MAGI2: variants seen among roughly 807,000 people sequenced by gnomAD.
The protein encoded by MAGI2 is membrane-associated guanylate kinase, WW and PDZ domain-containing protein 2.
MAGI2 carries 35 observed loss-of-function variants against 133.3 expected under a neutral mutation model. The observed-to-expected ratio is 0.26, with a 90% CI of 0.20 to 0.35. MAGI2 has a LOEUF of 0.35. MAGI2 is among the 10% of genes least tolerant of loss of function. MAGI2 has a pLI of 1.00. For missense variants in MAGI2, 1,636 were observed against 1,863.4 expected (o/e 0.88, Z 2.25); for synonymous variants, 729 against 710.6 (o/e 1.03, Z -0.41).
chr7:78,742,922 C>T (rs1450414265), intron 2 of MAGI2, among the ~76,000 whole-genome samples: 1 of 152,170 alleles, frequency 6.6e-6, no homozygotes, highest in Admixed American at 6.5e-5. Flanking sequence ...CCCATGTGGT[C>T]AGACCACATG....
At chr7:79,079,870 A>T (rs1194406420) in intron 1 of MAGI2, among the ~76,000 whole-genome samples, 1 of 152,120 alleles carries the variant, frequency 6.6e-6, no homozygotes, top group African/African-American at 2.4e-5. Flanking sequence ...GGGTAAAATA[A>T]TTTCACAATG....
chr7:79,381,176 T>G lies in MAGI2; in HGVS notation c.301+71844A>C, dbSNP rs547621402. ...AACTGTAATCTTCTGGCAGTTAATC[T>G]GCATCTCTGCATCTCCTTTTTTTGT... On this transcript the variant is annotated intron_variant, in intron 1 of 21. Coordinates refer to ENST00000354212, the MANE Select transcript of MAGI2 (RefSeq NM_012301.4). Among the ~76,000 whole-genome samples the G allele has an allele frequency of 2.0e-5, 3 of 151,858 alleles. No homozygotes were observed. The South Asian group carries it at 6.2e-4, about 31-fold the overall frequency.
At chr7:78,980,327 G>A (rs1804671276) in intron 2 of MAGI2, among the ~76,000 whole-genome samples, 2 of 151,770 alleles carry the variant, frequency 1.3e-5, no homozygotes, top group South Asian at 4.1e-4. Context: ...AGTTAACAAG[G>A]CAAACTGCAA....
chr7:79,304,952 T>G (rs1313560674), intron 1 of MAGI2, among the ~76,000 whole-genome samples: 2 of 152,184 alleles, frequency 1.3e-5, no homozygotes, highest in Non-Finnish European at 2.9e-5. Flanking sequence ...GTCTAGTGCA[T>G]GATCAGACTC....
intron 1 of MAGI2, among the ~76,000 whole-genome samples, chr7:79,265,238 G>A (rs934382017): frequency 2.6e-5 from 4 of 152,132 alleles, no homozygotes; most frequent in African/African-American, 9.7e-5. Context: ...CAGACTTACT[G>A]AACCAGAGAC....
chr7:79,206,838 A>G (rs1191087017), intron 1 of MAGI2, among the ~76,000 whole-genome samples: 1 of 151,928 alleles, frequency 6.6e-6, no homozygotes, highest in African/African-American at 2.4e-5. Context: ...ATCAAATTCA[A>G]CAGCACACTA....
intron 2 of MAGI2, among the ~76,000 whole-genome samples, chr7:78,704,689 T>A (rs1818424725): frequency 6.6e-6 from 1 of 151,514 alleles, no homozygotes; most frequent in African/African-American, 2.4e-5. Flanking sequence ...GAAAAGTTAG[T>A]ATATATACAC....
chr7:78,464,652 C>T (rs1790426244), intron 6 of MAGI2, among the ~76,000 whole-genome samples: 1 of 151,746 alleles, frequency 6.6e-6, no homozygotes, highest in South Asian at 2.1e-4. Flanking sequence ...AGTTATTCTA[C>T]ATATTAATGA....
At chr7:78,907,374 G>A (rs1490799235) in intron 2 of MAGI2, among the ~76,000 whole-genome samples, 1 of 151,996 alleles carries the variant, frequency 6.6e-6, no homozygotes, top group African/African-American at 2.4e-5. Flanking sequence ...ATCACCCTGG[G>A]GTACACATGT....
intron 1 of MAGI2, among the ~76,000 whole-genome samples, chr7:79,283,358 C>A (rs560129888): frequency 6.6e-6 from 1 of 152,086 alleles, no homozygotes; most frequent in Admixed American, 6.6e-5. Flanking sequence ...GCATTCTTTG[C>A]GTGTCCAAGT....
rs151016732 is a variant in MAGI2, at chr7:78,435,890, G to T, written c.1045+53871C>A. Among the ~76,000 whole-genome samples the T allele has an allele frequency of 6.2e-3, 951 of 152,222 alleles. 4 individuals carry two copies. Among genetic ancestry groups the T allele is most frequent in the South Asian group, 0.014 (68 of 4,818 alleles). ...CCTTGCCTAAAAACACATCCAAGTT[G>T]GTAGGTACTACAGACAGATGAAAAT... On this transcript the variant is annotated intron_variant, in intron 6 of 21. Transcript: ENST00000354212.
chr7:78,296,268 G>A (rs798345), intron 9 of MAGI2, among the ~76,000 whole-genome samples: 68,422 of 152,052 alleles, frequency 0.45, 18,093 homozygotes, highest in East Asian at 0.72. Flanking sequence ...CATAAACAGA[G>A]GCAATCATCT....
chr7:78,980,542 A>T (rs1804690615), intron 2 of MAGI2, among the ~76,000 whole-genome samples: 1 of 151,868 alleles, frequency 6.6e-6, no homozygotes, highest in South Asian at 2.1e-4. Context: ...GTATATTTCA[A>T]CGCTAATGAC....
At chr7:79,090,636 A>G (rs1452599541) in intron 1 of MAGI2, among the ~76,000 whole-genome samples, 1 of 152,158 alleles carries the variant, frequency 6.6e-6, no homozygotes, top group African/African-American at 2.4e-5. Context: ...ATTTAAAATC[A>G]TTTGTGGTTA....
intron 20 of MAGI2, among the ~76,000 whole-genome samples, chr7:78,124,369 C>T (rs1820756881): frequency 6.6e-6 from 1 of 152,152 alleles, no homozygotes; most frequent in South Asian, 2.1e-4. Context: ...CTGGTGTCAG[C>T]CCTGCCTGGG....
At chr7:78,745,387 T>A (rs1822830342) in intron 2 of MAGI2, among the ~76,000 whole-genome samples, 1 of 152,122 alleles carries the variant, frequency 6.6e-6, no homozygotes, top group South Asian at 2.1e-4. Context: ...CTGCTGGTCC[T>A]TCAATATGAG....
chr7:78,753,622 G>C (rs576746249), intron 2 of MAGI2, among the ~76,000 whole-genome samples: 6 of 151,396 alleles, frequency 4.0e-5, no homozygotes, highest in Non-Finnish European at 8.8e-5. Context: ...GGAAACTGCA[G>C]GAAGAGTTTC....
At chr7:78,643,915 C>A (rs1290434566) in intron 2 of MAGI2, among the ~76,000 whole-genome samples, 2 of 151,982 alleles carry the variant, frequency 1.3e-5, no homozygotes, top group South Asian at 2.1e-4. Context: ...TTTAAAAGAG[C>A]AAAACTCACC....
chr7:78,590,446 G>A (rs889218305), intron 3 of MAGI2, among the ~76,000 whole-genome samples: 1 of 152,122 alleles, frequency 6.6e-6, no homozygotes, highest in African/African-American at 2.4e-5. Flanking sequence ...CCAGGACATT[G>A]GGAAAATTTT....
Sources: gnomAD v4.1 joint callset for allele counts (sites outside exome capture counted in the v4.1 genomes callset) on GRCh38, gnomAD v4.1.1 for gene constraint, MANE v1.5 for transcripts, NCBI Gene and HGNC (gene_info 2026-07-23, HGNC 2026-07-21) for gene names.